The following PTPN5 variants were observed in gnomAD, a reference collection of about 807,000 sequenced individuals.
The protein encoded by PTPN5 is protein tyrosine phosphatase non-receptor type 5, also known as tyrosine-protein phosphatase non-receptor type 5.
Under a neutral mutation model 73.9 loss-of-function variants are expected in PTPN5, and 29 were observed. That is an observed-to-expected ratio of 0.39 (90% CI 0.29 to 0.54). The LOEUF is 0.54. PTPN5 is among the 20% of genes least tolerant of loss of function. The pLI, the probability that PTPN5 is intolerant of heterozygous loss-of-function variation, is 0.65. For synonymous variants in PTPN5, 267 were observed against 304.7 expected (o/e 0.88, Z 1.29); for missense variants, 652 against 751.4 (o/e 0.87, Z 1.55).
chr11:18,776,632 G>T (rs1420968619), intron 1 of PTPN5, among the ~76,000 whole-genome samples: 1 of 152,186 alleles, frequency 6.6e-6, no homozygotes, highest in African/African-American at 2.4e-5. Context: ...TACACGTGGA[G>T]ATTGGGACTT....
chr11:18,756,221 C>T (rs911056733), intron 3 of PTPN5, among the ~76,000 whole-genome samples: 1 of 151,248 alleles, frequency 6.6e-6, no homozygotes, highest in Non-Finnish European at 1.5e-5. Context: ...CAGCTGACAT[C>T]TGGCTTATGT....
At chr11:18,737,374 T>C (rs1397410044) in intron 9 of PTPN5, among the ~76,000 whole-genome samples, 1 of 152,178 alleles carries the variant, frequency 6.6e-6, no homozygotes, top group Non-Finnish European at 1.5e-5. Flanking sequence ...CATTTGCCTG[T>C]GGGAGTGGAT....
chr11:18,748,861 G>C (rs1590535288), intron 3 of PTPN5, among the ~76,000 whole-genome samples: 2 of 152,184 alleles, frequency 1.3e-5, no homozygotes, highest in African/African-American at 4.8e-5. Context: ...TCAAGCACGG[G>C]CTAGGCTCTG....
chr11:18,787,995 T>C (rs12577551), intron 1 of PTPN5, among the ~76,000 whole-genome samples: 70,931 of 151,958 alleles, frequency 0.47, 18,169 homozygotes, highest in South Asian at 0.66. Context: ...AGATTCATAG[T>C]CCCTACTCCT....
chr11:18,776,280 C>T (rs904125973), intron 1 of PTPN5, among the ~76,000 whole-genome samples: 6 of 152,124 alleles, frequency 3.9e-5, no homozygotes, highest in East Asian at 3.9e-4. Context: ...ACTTTTTCCT[C>T]CACTGGAAAG....
intron 9 of PTPN5, among the ~76,000 whole-genome samples, chr11:18,736,471 T>C (rs1307170287): frequency 3.3e-5 from 5 of 152,218 alleles, no homozygotes; most frequent in African/African-American, 1.2e-4. Flanking sequence ...GGAAGCTCCT[T>C]GTGCACAGAG....
chr11:18,743,936 G>A, intron 4 of PTPN5, 70 bp downstream of exon 4: 1 of 1,499,516 alleles, frequency 6.7e-7, no homozygotes, highest in Non-Finnish European at 8.9e-7. Flanking sequence ...GCCATCCTGG[G>A]GAGGAAGTGG....
In PTPN5 at chr11:18,728,122, C is replaced by G. The variant is rs774832786; in HGVS notation, c.*812G>C. ...GATGGGCTCTCAACACACGCATGGA[C>G]ATGGGAACACACGCAGAGCAACACG... On this transcript the variant is annotated 3_prime_UTR_variant, in exon 15 of 15. Transcript: ENST00000358540. The surrounding 1 kb of genome is among the most constrained non-coding windows in gnomAD (Gnocchi z 4.1). The G allele has an allele frequency of 6.5e-6, 1 of 152,684 alleles. No individual in the cohort carries two copies. The highest frequency in any genetic ancestry group is 1.5e-5 in the Non-Finnish European group (1 of 68,046). The allele number at this position is 152,684 out of a possible 1,614,324, so 9.5% of individuals were successfully genotyped here. A position where few individuals can be genotyped will look rare whatever the true frequency, so the allele number is the denominator to read the frequency against.
chr11:18,744,258 G>A (rs868137878), intron 3 of PTPN5, 59 bp from the exon 4 acceptor site: 2 of 1,406,316 alleles, frequency 1.4e-6, no homozygotes, highest in South Asian at 3.4e-5. Context: ...GCAGGGCTCT[G>A]CCACCCCTTT....
At chr11:18,736,620 A>AC (rs1849124800) in intron 9 of PTPN5, among the ~76,000 whole-genome samples, 3 of 151,954 alleles carry the variant, frequency 2.0e-5, no homozygotes, top group Non-Finnish European at 4.4e-5. Flanking sequence ...TGCCCTCTGC[A>AC]CCCCCCAACC....
In PTPN5 at chr11:18,729,370, G is replaced by A. The variant is rs1019703886; in HGVS notation, c.1604+83C>T. ...GTTTTCCATCTGCCCCTCACCCCCC[G>A]CCCATGCACATGTGGGTCTCTCCCT... On this transcript the variant is annotated intron_variant, in intron 14 of 14. Coordinates refer to ENST00000358540, the MANE Select transcript of PTPN5 (RefSeq NM_006906.2). This position sits in a 1 kb window ranked among gnomAD's most constrained non-coding sequence, Gnocchi z 5.2. The A allele has an allele frequency of 7.8e-5, 56 of 720,138 alleles. No homozygotes were observed. The Admixed American group carries it at 9.9e-4, about 13-fold the overall frequency. 44.6% of individuals were successfully genotyped at this position (720,138 alleles called of 1,614,324 possible).
In PTPN5 at chr11:18,733,299, C is replaced by T. The variant is rs776586245; in HGVS notation, c.1154G>A (p.Arg385His). The change falls in exon 11 of 15, where the codon CGC (arginine) becomes CAC (histidine). Residue 385 changes from arginine (R) to histidine (H), a missense_variant. Physicochemically the swap from Arg to His is conservative, Grantham distance 29. Coordinates refer to ENST00000358540, the MANE Select transcript of PTPN5 (RefSeq NM_006906.2). The surrounding 1 kb of genome is among the most constrained non-coding windows in gnomAD (Gnocchi z 4.3). ...PIVSTVADFWRMVWQEHTPII... is the reference protein window; with the variant it reads ...PIVSTVADFWHMVWQEHTPII... ...GGGCGTGTGCTCCTGCCACACCATGCGCCAGAAGTCGGCGACCGTGCTGAC... is the reference window on the plus strand; with the variant it reads ...GGGCGTGTGCTCCTGCCACACCATGTGCCAGAAGTCGGCGACCGTGCTGAC... The T allele has an allele frequency of 1.1e-5, 17 of 1,614,016 alleles. No individual in the cohort carries two copies. The highest frequency in any genetic ancestry group is 9.9e-5 in the South Asian group (9 of 91,084).
chr11:18,740,946 C>A (rs921026954), intron 7 of PTPN5, among the ~76,000 whole-genome samples, 154 bp from the exon 8 acceptor site: 1 of 151,970 alleles, frequency 6.6e-6, no homozygotes, highest in Non-Finnish European at 1.5e-5. Flanking sequence ...GACCCCCTGA[C>A]AAAGAAGCGT....
intron 1 of PTPN5, among the ~76,000 whole-genome samples, chr11:18,780,247 G>T (rs1016550728): frequency 6.6e-6 from 1 of 152,160 alleles, no homozygotes; most frequent in Non-Finnish European, 1.5e-5. Context: ...AGAGCTCCAG[G>T]CTGTTTCCAG....
At chr11:18,730,279 A>C (rs181536491) in intron 12 of PTPN5, 72 of 256,734 alleles carry the variant, frequency 2.8e-4, no homozygotes, top group African/African-American at 1.4e-3. Context: ...ACCTCTTCAC[A>C]CTCCCCGCTT....
At chr11:18,744,268 T>C in intron 3 of PTPN5, 69 bp from the exon 4 acceptor site, 4 of 1,347,634 alleles carry the variant, frequency 3.0e-6, no homozygotes, top group Non-Finnish European at 3.9e-6. Context: ...GCCACCCCTT[T>C]TGGGGTGGCT....
At chr11:18,771,579 C>G (rs944353630) in intron 2 of PTPN5, among the ~76,000 whole-genome samples, 1 of 152,218 alleles carries the variant, frequency 6.6e-6, no homozygotes, top group African/African-American at 2.4e-5. Flanking sequence ...ACCTCTGCAT[C>G]CCAGGTGTTT....
At chr11:18,782,105 C>G (rs1442825211) in intron 1 of PTPN5, among the ~76,000 whole-genome samples, 1 of 152,244 alleles carries the variant, frequency 6.6e-6, no homozygotes, top group African/African-American at 2.4e-5. Context: ...CTTTGACTCA[C>G]AGGCCATTTT....
At position 18,729,418 on chromosome 11, in the gene PTPN5, C is replaced by A; in HGVS notation, c.1604+35G>T. The A allele has an allele frequency of 9.7e-7, 1 of 1,034,094 alleles. No individual in the cohort carries two copies. Among genetic ancestry groups the A allele is most frequent in the South Asian group, 1.3e-5 (1 of 79,266 alleles). The allele number at this position is 1,034,094 out of a possible 1,614,324, so 64.1% of individuals were successfully genotyped here. The stretch of plus-strand genomic sequence containing the variant: ...CCTCTACCCGCTCGGGGCTCTAGCT[C>A]CCTTGTGTGTCCCCACTCCCGCCCG... On this transcript the variant is annotated intron_variant, in intron 14 of 14. Coordinates refer to ENST00000358540, the MANE Select transcript of PTPN5 (RefSeq NM_006906.2). The surrounding 1 kb of genome is among the most constrained non-coding windows in gnomAD (Gnocchi z 5.2).
Sources: gnomAD v4.1 joint callset for allele counts (sites outside exome capture counted in the v4.1 genomes callset) on GRCh38, gnomAD v4.1.1 for gene constraint, Gnocchi (gnomAD v3.1) non-coding constraint, MANE v1.5 for transcripts, NCBI Gene and HGNC (gene_info 2026-07-23, HGNC 2026-07-21) for gene names.